FBXW8: variants seen among roughly 807,000 people sequenced by gnomAD.
The protein encoded by FBXW8 is F-box/WD repeat-containing protein 8.
A neutral mutation model predicts 65.3 loss-of-function variants in FBXW8; 57 were observed. The ratio of observed to expected loss-of-function variants is 0.87; its 90% CI spans 0.71 to 1.09. The LOEUF (loss-of-function observed/expected upper bound fraction) is 1.09. FBXW8 is among the 50% of genes least tolerant of loss of function. The pLI is 0.00. For missense variants in FBXW8, 777 were observed against 814.8 expected (o/e 0.95, Z 0.57); for synonymous variants, 308 against 330.2 (o/e 0.93, Z 0.73).
intron 2 of FBXW8, among the ~76,000 whole-genome samples, chr12:116,930,993 G>C (rs983454768): frequency 2.6e-5 from 4 of 152,078 alleles, no homozygotes; most frequent in African/African-American, 9.7e-5. Context: ...TTTTTTGTAA[G>C]GACAGGGTCT....
chr12:116,925,037 G>A (rs1031926377), intron 1 of FBXW8, among the ~76,000 whole-genome samples: 1 of 151,438 alleles, frequency 6.6e-6, no homozygotes, highest in African/African-American at 2.4e-5. Flanking sequence ...GGAATATATT[G>A]AACACAGGAC....
chr12:116,920,945 C>G (rs1258542844), intron 1 of FBXW8, among the ~76,000 whole-genome samples: 1 of 152,176 alleles, frequency 6.6e-6, no homozygotes, highest in Non-Finnish European at 1.5e-5. Flanking sequence ...CCTGTCTTCT[C>G]TCCTCGCCAT....
At chr12:116,964,925 GGC>G in intron 5 of FBXW8, 71 bp downstream of exon 5, 1 of 1,483,668 alleles carries the variant, frequency 6.7e-7, no homozygotes, top group Non-Finnish European at 9.0e-7. Context: ...AGCTGTGGCC[GGC>G]TCCCCCCTGT....
intron 5 of FBXW8, among the ~76,000 whole-genome samples, chr12:116,965,857 C>T (rs1884287517): frequency 2.0e-5 from 3 of 152,050 alleles, no homozygotes; most frequent in Admixed American, 6.5e-5. Context: ...CTCCCGGGAT[C>T]CAGTGATCCT....
At chr12:117,002,587 G>T (rs1953556557) in intron 7 of FBXW8, 1 of 152,144 alleles carries the variant, frequency 6.6e-6, no homozygotes, top group Non-Finnish European at 1.5e-5. Context: ...TTTTCCACAT[G>T]TTCACAGATA....
intron 7 of FBXW8, among the ~76,000 whole-genome samples, chr12:117,009,250 G>C (rs949313962): frequency 6.6e-6 from 1 of 151,912 alleles, no homozygotes; most frequent in Non-Finnish European, 1.5e-5. Flanking sequence ...ATCATCAGCA[G>C]GCCGTGGTGT....
At position 116,985,342 on chromosome 12, in the gene FBXW8, G is replaced by A. The variant is rs746889988; in HGVS notation, c.972G>A (p.Met324Ile). Reference protein sequence around the residue: ...VATASAFDVVMLSPNEEGYWQ... With the variant: ...VATASAFDVVILSPNEEGYWQ... ...CAGCTTCTGCTTTTGATGTCGTGATGTTATCCCCCAATGAGGAGGGGTACT... is the reference window on the plus strand; with the variant it reads ...CAGCTTCTGCTTTTGATGTCGTGATATTATCCCCCAATGAGGAGGGGTACT... Residue 324 changes from methionine to isoleucine, a missense_variant, in exon 6 of 11, where the codon ATG becomes ATA. Physicochemically the swap from Met to Ile is conservative, Grantham distance 10. Coordinates refer to ENST00000652555, the MANE Select transcript of FBXW8 (RefSeq NM_153348.3). The A allele has an allele frequency of 1.2e-6, 2 of 1,614,086 alleles. No individual in the cohort carries two copies. Among genetic ancestry groups the A allele is most frequent in the East Asian group, 4.5e-5 (2 of 44,906 alleles).
At chr12:116,939,602 G>C (rs1357268761) in intron 2 of FBXW8, among the ~76,000 whole-genome samples, 1 of 151,944 alleles carries the variant, frequency 6.6e-6, no homozygotes, top group Admixed American at 6.6e-5. Context: ...TTTTTTGTTC[G>C]GTAGTTACAT....
At chr12:117,007,762 A>G (rs1005316717) in intron 7 of FBXW8, among the ~76,000 whole-genome samples, 29 of 152,164 alleles carry the variant, frequency 1.9e-4, no homozygotes, top group African/African-American at 7.0e-4. Flanking sequence ...AATTAATCTC[A>G]CTAGTCTATG....
At chr12:116,935,034 T>G (rs1270177280) in intron 2 of FBXW8, among the ~76,000 whole-genome samples, 2 of 152,256 alleles carry the variant, frequency 1.3e-5, no homozygotes, top group Admixed American at 1.3e-4. Context: ...TTTCAGTTTT[T>G]TAATGTATAT....
At chr12:116,990,745 G>A (rs1953219456) in intron 7 of FBXW8, among the ~76,000 whole-genome samples, 1 of 152,208 alleles carries the variant, frequency 6.6e-6, no homozygotes, top group African/African-American at 2.4e-5. Context: ...ACAGATGTAA[G>A]GCAGTGGGGT....
rs1382707195 is a variant in FBXW8, at chr12:116,964,871, C to T, written c.835+17C>T. On this transcript the variant is annotated intron_variant, in intron 5 of 10. Coordinates refer to ENST00000652555, the MANE Select transcript of FBXW8 (RefSeq NM_153348.3). ...ATGAGGATGGTAAGTAACCACAACC[C>T]TCCTCCCTATTAAGGAAAAAAAAAA... 1 of 1,567,652 alleles carries T rather than the reference C, an allele frequency of 6.4e-7. No homozygotes were observed. The highest frequency in any genetic ancestry group is 8.6e-7 in the Non-Finnish European group (1 of 1,162,224).
chr12:117,024,312 G>A lies in FBXW8; in HGVS notation c.1533G>A (p.Val511=), dbSNP rs750432306. ...GGATGAACCAGAAGCTGTGGGAGGT[G>A]TATTCCGGGTAAGGTGCATTCTAGA... ...DYRMNQKLWE[V]YSGHPVQHIS... The change falls in exon 9 of 11, where the codon GTG becomes GTA. Residue 511 remains valine, a synonymous_variant. Coordinates refer to ENST00000652555, the MANE Select transcript of FBXW8 (RefSeq NM_153348.3). 67 of 1,613,996 alleles carry A rather than the reference G, an allele frequency of 4.2e-5. No individual in the cohort carries two copies. The Admixed American group carries it at 9.0e-4, about 22-fold the overall frequency.
At chr12:117,020,684 C>T (rs897213975) in intron 8 of FBXW8, among the ~76,000 whole-genome samples, 1 of 152,174 alleles carries the variant, frequency 6.6e-6, no homozygotes, top group African/African-American at 2.4e-5. Context: ...TACTCCGCTC[C>T]CTGCCTAGGG....
At chr12:116,945,629 G>A in intron 3 of FBXW8, 101 bp downstream of exon 3, 1 of 1,199,028 alleles carries the variant, frequency 8.3e-7, no homozygotes, top group East Asian at 2.5e-5. Flanking sequence ...CAACAGCGAA[G>A]GGAGAGGGGT....
chr12:117,000,851 A>G (rs765070729), intron 7 of FBXW8, among the ~76,000 whole-genome samples: 11 of 152,246 alleles, frequency 7.2e-5, no homozygotes, highest in Non-Finnish European at 1.2e-4. Context: ...GCTGTTATTA[A>G]TAACTATTTT....
At chr12:116,982,094 TAAAA>T (rs1185363882) in intron 5 of FBXW8, among the ~76,000 whole-genome samples, 2 of 151,222 alleles carry the variant, frequency 1.3e-5, no homozygotes, top group African/African-American at 4.9e-5. Flanking sequence ...ATCCAAAAAA[TAAAA>T]AAGGCAACAA....
At chr12:116,954,779 A>C (rs1883525682) in intron 4 of FBXW8, among the ~76,000 whole-genome samples, 1 of 152,148 alleles carries the variant, frequency 6.6e-6, no homozygotes, top group Non-Finnish European at 1.5e-5. Flanking sequence ...TTTGCAATCT[A>C]ACCTTTTGAC....
intron 5 of FBXW8, among the ~76,000 whole-genome samples, chr12:116,981,826 CT>C (rs1555222486): frequency 3.3e-5 from 5 of 152,142 alleles, no homozygotes. Context: ...GTTGGCCAGA[CT>C]GGTCTCAAAC....
Sources: gnomAD v4.1 joint callset for allele counts (sites outside exome capture counted in the v4.1 genomes callset) on GRCh38, gnomAD v4.1.1 for gene constraint, MANE v1.5 for transcripts, NCBI Gene and HGNC (gene_info 2026-07-23, HGNC 2026-07-21) for gene names.